RBM33: variants seen among roughly 807,000 people sequenced by gnomAD.
The protein encoded by RBM33 is RNA binding motif protein 33.
A neutral mutation model predicts 132.6 loss-of-function variants in RBM33; 28 were observed. That is an observed-to-expected ratio of 0.21 (90% CI 0.16 to 0.29). The LOEUF (loss-of-function observed/expected upper bound fraction) is 0.29, where lower values mean the gene tolerates loss of function less well. Among genes scored for constraint, RBM33 ranks in the 10% least tolerant of loss-of-function variants. RBM33 has a pLI of 1.00. For missense variants in RBM33, 1,291 were observed against 1,518.5 expected, an observed-to-expected ratio of 0.85 and a Z score of 2.49; for synonymous variants, 634 against 593.0, an observed-to-expected ratio of 1.07 and a Z score of -1.01.
chr7:155,740,162 G>A lies in RBM33; in HGVS notation c.2049+136G>A, dbSNP rs1352927722. ...TATAAAATGTGTAGTACATAGTTCT[G>A]AAGTGAATCCATGTTTTAAAAAACA... On this transcript the variant is annotated intron_variant, in intron 12 of 17. Transcript: ENST00000401878. 7.7e-6 allele frequency: 9 copies of A among 1,172,852 alleles called. No homozygotes were observed. In the East Asian group the frequency reaches 2.3e-4, roughly 30 times the overall value. 72.7% of individuals were successfully genotyped at this position (1,172,852 alleles called of 1,614,324 possible).
intron 3 of RBM33, among the ~76,000 whole-genome samples, chr7:155,673,315 TTAAAA>T (rs950978697): frequency 6.6e-6 from 1 of 151,906 alleles, no homozygotes; most frequent in African/African-American, 2.4e-5. Flanking sequence ...ATAATAAACA[TTAAAA>T]TAAATAAAAG....
intron 5 of RBM33, among the ~76,000 whole-genome samples, chr7:155,696,053 C>G (rs1799786282): frequency 6.6e-6 from 1 of 152,128 alleles, no homozygotes; most frequent in Non-Finnish European, 1.5e-5. Context: ...CTTGTCCTGA[C>G]AATAAAATTA....
chr7:155,684,489 C>T (rs952006761), intron 5 of RBM33, among the ~76,000 whole-genome samples: 5 of 152,180 alleles, frequency 3.3e-5, no homozygotes, highest in Admixed American at 2.0e-4. Flanking sequence ...GAGAAACATA[C>T]TAATCACGAT....
chr7:155,727,363 G>A (rs4493789), intron 9 of RBM33, among the ~76,000 whole-genome samples: 42,188 of 152,030 alleles, frequency 0.28, 6,870 homozygotes, highest in African/African-American at 0.45. Context: ...TTAGCTGGGC[G>A]GTGTTGTCCT....
At chr7:155,701,044 G>GT (rs1399238036) in intron 6 of RBM33, 100 bp downstream of exon 6, 1 of 1,063,560 alleles carries the variant, frequency 9.4e-7, no homozygotes, top group Non-Finnish European at 1.4e-6. Context: ...GGTTGACTAG[G>GT]TAATTGCGGC....
chr7:155,645,110 C>T, intron 1 of RBM33, 191 bp downstream of exon 1: 2 of 506,338 alleles, frequency 3.9e-6, no homozygotes, highest in Non-Finnish European at 7.0e-6. Flanking sequence ...TCCTCCTCTC[C>T]GCTGTGCAGA....
intron 1 of RBM33, among the ~76,000 whole-genome samples, chr7:155,652,464 T>C (rs555568892): frequency 6.6e-6 from 1 of 152,310 alleles, no homozygotes; most frequent in South Asian, 2.1e-4. Context: ...TTAGATTAGA[T>C]AATTGCTAGA....
chr7:155,759,584 A>AT (rs1211794059), intron 14 of RBM33, among the ~76,000 whole-genome samples: 1 of 151,276 alleles, frequency 6.6e-6, no homozygotes, highest in African/African-American at 2.4e-5. Flanking sequence ...CGCCCGGCTA[A>AT]TTTTTTTTGT....
intron 12 of RBM33, among the ~76,000 whole-genome samples, chr7:155,741,230 C>T (rs73167163): frequency 6.6e-6 from 1 of 151,784 alleles, no homozygotes; most frequent in Non-Finnish European, 1.5e-5. Context: ...CCCCCTCCCC[C>T]CTTCCAGCTC....
At chr7:155,690,577 A>G (rs555532283) in intron 5 of RBM33, among the ~76,000 whole-genome samples, 116 of 152,138 alleles carry the variant, frequency 7.6e-4, no homozygotes, top group Non-Finnish European at 1.1e-3. Context: ...GGTCTTTACA[A>G]TTTGGCATGT....
At chr7:155,669,622 A>G (rs1798892607) in intron 2 of RBM33, among the ~76,000 whole-genome samples, 1 of 152,182 alleles carries the variant, frequency 6.6e-6, no homozygotes, top group Non-Finnish European at 1.5e-5. Context: ...CAAAGTGTTG[A>G]GATTACGGTG....
At position 155,673,940 on chromosome 7, in the gene RBM33, G is replaced by GTTGTTGTTTTTT; in HGVS notation, c.171+1027_171+1028insGTTGTTTTTTTT. Reference sequence around the variant, plus strand: ...TCATTATCAAGATAGTTTAGGCTTAGTTTTTTTTTTTTTTTTTTTTTTTTT... The same window carrying GTTGTTGTTTTTT: ...TCATTATCAAGATAGTTTAGGCTTAGTTGTTGTTTTTTTTTTTTTTTTTTTTTTTTTTTTTTT... On this transcript the variant is annotated intron_variant, in intron 3 of 17. Coordinates refer to ENST00000401878, the MANE Select transcript of RBM33 (RefSeq NM_053043.3). Among the ~76,000 whole-genome samples the GTTGTTGTTTTTT allele has an allele frequency of 2.4e-4, 13 of 54,216 alleles. 1 individual carries two copies. The highest frequency in any genetic ancestry group is 8.3e-4 in the African/African-American group (10 of 12,120). 35.6% of individuals were successfully genotyped at this position (54,216 alleles called of 152,430 possible). A position where few individuals can be genotyped will look rare whatever the true frequency, so the allele number is the denominator to read the frequency against.
chr7:155,756,307 G>T (rs1563178129), intron 14 of RBM33, among the ~76,000 whole-genome samples: 1 of 152,138 alleles, frequency 6.6e-6, no homozygotes, highest in Non-Finnish European at 1.5e-5. Context: ...CCTTATAGAA[G>T]ACTTATAAAT....
At chr7:155,731,186 A>G (rs1232229393) in intron 9 of RBM33, among the ~76,000 whole-genome samples, 4 of 152,144 alleles carry the variant, frequency 2.6e-5, no homozygotes. Flanking sequence ...ATAATGAGAA[A>G]AATCTTTTTG....
chr7:155,674,398 A>G (rs1268798485), intron 3 of RBM33, among the ~76,000 whole-genome samples: 1 of 152,154 alleles, frequency 6.6e-6, no homozygotes, highest in African/African-American at 2.4e-5. Context: ...TTTTGTACCT[A>G]AAGTGGCTAC....
At chr7:155,674,306 G>A (rs1799113856) in intron 3 of RBM33, among the ~76,000 whole-genome samples, 1 of 152,006 alleles carries the variant, frequency 6.6e-6, no homozygotes, top group African/African-American at 2.4e-5. Flanking sequence ...TCTTTGTCAT[G>A]GTCACTGGGG....
chr7:155,723,764 C>T (rs1460575319), intron 9 of RBM33, among the ~76,000 whole-genome samples: 1 of 152,166 alleles, frequency 6.6e-6, no homozygotes, highest in Non-Finnish European at 1.5e-5. Context: ...AAATTGGTTT[C>T]TTGTTTCTTC....
chr7:155,724,964 G>A (rs1195567771), intron 9 of RBM33, among the ~76,000 whole-genome samples: 8 of 150,706 alleles, frequency 5.3e-5, no homozygotes, highest in African/African-American at 2.0e-4. Flanking sequence ...TGTGATTAGA[G>A]TTGCTGTAAA....
intron 7 of RBM33, among the ~76,000 whole-genome samples, chr7:155,710,837 C>T (rs1800262400): frequency 6.6e-6 from 1 of 151,834 alleles, no homozygotes; most frequent in African/African-American, 2.4e-5. Flanking sequence ...ACAGGGAGGG[C>T]TGTGGCAGCT....
Sources: allele counts gnomAD v4.1 joint callset (sites outside exome capture counted in the v4.1 genomes callset), GRCh38; gene constraint gnomAD v4.1.1; transcripts MANE v1.5; gene names NCBI Gene and HGNC (gene_info 2026-07-23, HGNC 2026-07-21).